ZC3H7A: variants seen among roughly 807,000 people sequenced by gnomAD.
The protein encoded by ZC3H7A is zinc finger CCCH domain-containing protein 7A.
A neutral mutation model predicts 125.5 loss-of-function variants in ZC3H7A; 44 were observed. That is an observed-to-expected ratio of 0.35 (90% CI 0.28 to 0.45). The LOEUF is 0.45. Among genes scored for constraint, ZC3H7A ranks in the 20% least tolerant of loss-of-function variants. ZC3H7A has a pLI of 1.00. For missense variants in ZC3H7A, 977 were observed against 1,170.7 expected, an observed-to-expected ratio of 0.83 and a Z score of 2.41; for synonymous variants, 399 against 391.2, an observed-to-expected ratio of 1.02 and a Z score of -0.23.
chr16:11,785,869 T>C (rs2053249587), intron 1 of ZC3H7A, among the ~76,000 whole-genome samples: 1 of 152,218 alleles, frequency 6.6e-6, no homozygotes, highest in African/African-American at 2.4e-5. Context: ...TCTGCTCACC[T>C]AGGCCTCCCA....
rs1209278261 is a variant in ZC3H7A at position 11,791,782 on chromosome 16, GGAA to G, written c.-35+5339_-35+5341del. On this transcript the variant is annotated intron_variant, in intron 1 of 22. Coordinates refer to ENST00000355758, the MANE Select transcript of ZC3H7A (RefSeq NM_014153.4). ...AGGTGGGAAGTGAATCAATATAGTG[GGAA>G]CTGCCTGGAGACAGCGACGGAAAAA... Among the ~76,000 whole-genome samples the G allele has an allele frequency of 2.0e-5, 3 of 152,186 alleles. No homozygotes were observed. The East Asian group carries it at 5.8e-4, about 29-fold the overall frequency.
chr16:11,788,933 C>T lies in ZC3H7A; in HGVS notation c.-34-6545G>A, dbSNP rs572973920. Among the ~76,000 whole-genome samples the T allele has an allele frequency of 9.2e-5, 14 of 152,138 alleles. No homozygotes were observed. In the South Asian group the frequency reaches 1.7e-3, roughly 18 times the overall value. On this transcript the variant is annotated intron_variant, in intron 1 of 22. Transcript: ENST00000355758. ...GGCCTCACAAAGATATTCTATAGAA[C>T]GATTCTGTATCTTGATTGTGGGAGT...
Position 11,784,643 on chromosome 16 carries a change from T to C in ZC3H7A, c.-34-2255A>G, listed in dbSNP as rs186890509. Reference sequence around the variant, plus strand: ...GCCGAGGCGAGTGGATCACCCAAGGTCAGGAGTTCCAGAGCAGCCTGACCA... The same window carrying C: ...GCCGAGGCGAGTGGATCACCCAAGGCCAGGAGTTCCAGAGCAGCCTGACCA... On this transcript the variant is annotated intron_variant, in intron 1 of 22. Transcript: ENST00000355758. Among the ~76,000 whole-genome samples, 20 of 151,902 alleles carry C rather than the reference T, an allele frequency of 1.3e-4. No homozygotes were observed. The South Asian group carries it at 1.5e-3, about 11-fold the overall frequency.
rs977835496 is a variant in ZC3H7A at position 11,756,971 on chromosome 16, T to C, written c.2429-601A>G. On this transcript the variant is annotated intron_variant, in intron 20 of 22. Coordinates refer to ENST00000355758, the MANE Select transcript of ZC3H7A (RefSeq NM_014153.4). ...GCTTCCTATGGTAAGAACAGGTGTATTCTGCATTATTGCCAAGTGCTAAAG... is the reference window on the plus strand; with the variant it reads ...GCTTCCTATGGTAAGAACAGGTGTACTCTGCATTATTGCCAAGTGCTAAAG... Among the ~76,000 whole-genome samples the C allele has an allele frequency of 3.8e-5, 5 of 133,276 alleles. No homozygotes were observed. The East Asian group carries it at 1.2e-3, about 32-fold the overall frequency. The allele number at this position is 133,276 out of a possible 152,430, so 87.4% of individuals were successfully genotyped here.
intron 22 of ZC3H7A, among the ~76,000 whole-genome samples, chr16:11,751,982 T>C (rs1597525863): frequency 6.8e-6 from 1 of 147,210 alleles, no homozygotes; most frequent in Non-Finnish European, 1.5e-5. Context: ...CTCGGCTCAC[T>C]ACAACCTCCA....
Position 11,765,714 on chromosome 16 carries a change from GA to G in ZC3H7A, c.1523-30del. 1 of 1,596,746 alleles carries G rather than the reference GA, an allele frequency of 6.3e-7. No homozygotes were observed. The highest frequency in any genetic ancestry group is 8.6e-7 in the Non-Finnish European group (1 of 1,169,532). On this transcript the variant is annotated intron_variant, in intron 13 of 22. Coordinates refer to ENST00000355758, the MANE Select transcript of ZC3H7A (RefSeq NM_014153.4). The surrounding 1 kb of genome is among the most constrained non-coding windows in gnomAD (Gnocchi z 4.8). ...GAAAGACAGGGAATGGACAGACATT[GA>G]AAACATGGCAATTGGCCTGTACTCC...
chr16:11,793,568 A>T (rs977760834), intron 1 of ZC3H7A, among the ~76,000 whole-genome samples: 7 of 152,000 alleles, frequency 4.6e-5, no homozygotes, highest in Non-Finnish European at 7.4e-5. Flanking sequence ...AAAATGATAC[A>T]TTCCACTCCA....
Position 11,763,479 on chromosome 16 carries a change from T to C in ZC3H7A, c.2001A>G (p.Thr667=). The C allele has an allele frequency of 3.1e-6, 5 of 1,595,034 alleles. No homozygotes were observed. Among genetic ancestry groups the C allele is most frequent in the Admixed American group, 1.7e-5 (1 of 58,266 alleles). The change falls in exon 16 of 23, where the codon ACA becomes ACG. Residue 667 remains threonine, a splice_region_variant and synonymous_variant. Coordinates refer to ENST00000355758, the MANE Select transcript of ZC3H7A (RefSeq NM_014153.4). ...ELKVWIMQNE[T]GISHDAIAQE... ...CTTCTCAGTCGCACTCAAACCTACC[T>C]GTTTCATTTTGCATTATCCAGACTT...
In ZC3H7A at chr16:11,770,790, G is replaced by C. The variant is rs773740795; in HGVS notation, c.1101C>G (p.Ser367=). The C allele has an allele frequency of 6.2e-7, 1 of 1,611,458 alleles. No homozygotes were observed. The highest frequency in any genetic ancestry group is 8.5e-7 in the Non-Finnish European group (1 of 1,178,494). ...SSLNSFSMSE[S]KRDLSTSTSR... is the part of the protein sequence containing the mutation. ...TTTAGATTTGGTTCTTACCTCGTTTGGATTCACTCATTGAAAATGAATTTA... is the reference window on the plus strand; with the variant it reads ...TTTAGATTTGGTTCTTACCTCGTTTCGATTCACTCATTGAAAATGAATTTA... The change falls in exon 10 of 23, where the codon TCC becomes TCG. Residue 367 remains serine (S), a synonymous_variant. Transcript: ENST00000355758.
At chr16:11,777,229 C>T (rs10492853) in intron 4 of ZC3H7A, among the ~76,000 whole-genome samples, 27,306 of 152,070 alleles carry the variant, frequency 0.18, 3,195 homozygotes, top group East Asian at 0.48. Context: ...CCTATTCGCT[C>T]CTCTGTAGTT....
intron 18 of ZC3H7A, 185 bp from the exon 19 acceptor site, chr16:11,761,696 T>G (rs1228447274): frequency 1.2e-6 from 1 of 840,650 alleles, no homozygotes; most frequent in Non-Finnish European, 1.8e-6. Flanking sequence ...CTACAAACTC[T>G]AAACAAATTG....
chr16:11,750,833 T>G lies in ZC3H7A; in HGVS notation c.*484A>C, dbSNP rs776590631. Reference sequence around the variant, plus strand: ...ACAAATACTAGTGTTAAATGGTTATTTGGCTTAAAATCTGAGTTAAGAAAA... The same window carrying G: ...ACAAATACTAGTGTTAAATGGTTATGTGGCTTAAAATCTGAGTTAAGAAAA... On this transcript the variant is annotated 3_prime_UTR_variant, in exon 23 of 23. Transcript: ENST00000355758. 1 of 152,782 alleles carries G rather than the reference T, an allele frequency of 6.5e-6. No individual in the cohort carries two copies. Among genetic ancestry groups the G allele is most frequent in the African/African-American group, 2.4e-5 (1 of 41,452 alleles). 9.5% of individuals were successfully genotyped at this position (152,782 alleles called of 1,614,324 possible). A position where few individuals can be genotyped will look rare whatever the true frequency, so the allele number is the denominator to read the frequency against.
intron 9 of ZC3H7A, among the ~76,000 whole-genome samples, chr16:11,772,095 T>G (rs1464621976): frequency 1.3e-5 from 2 of 151,096 alleles, no homozygotes; most frequent in Non-Finnish European, 2.9e-5. Flanking sequence ...ACTCGGGAGG[T>G]TGAGGCAGAT....
At chr16:11,789,413 C>A (rs1403883379) in intron 1 of ZC3H7A, among the ~76,000 whole-genome samples, 1 of 152,062 alleles carries the variant, frequency 6.6e-6, no homozygotes, top group Non-Finnish European at 1.5e-5. Flanking sequence ...CGTCACCAGG[C>A]CTGGCTAATT....
intron 1 of ZC3H7A, among the ~76,000 whole-genome samples, chr16:11,787,328 T>C (rs937492405): frequency 1.3e-5 from 2 of 152,130 alleles, no homozygotes; most frequent in Admixed American, 6.6e-5. Flanking sequence ...ATATAGACCA[T>C]TAACTGTCAC....
rs766722942 is a variant in ZC3H7A, at chr16:11,774,892, G to A, written c.619+88C>T. On this transcript the variant is annotated intron_variant, in intron 8 of 22. Transcript: ENST00000355758. ...ATTAATATGAATATAACCACACAGC[G>A]ATATTATTTGACAATACATCACATA... is the stretch of plus-strand genomic sequence containing the variant. 74 of 1,385,408 alleles carry A rather than the reference G, an allele frequency of 5.3e-5. No individual in the cohort carries two copies. In the African/African-American group the frequency reaches 8.2e-4, roughly 15 times the overall value. The allele number at this position is 1,385,408 out of a possible 1,614,324, so 85.8% of individuals were successfully genotyped here.
chr16:11,789,270 TA>T (rs1044285152), intron 1 of ZC3H7A, among the ~76,000 whole-genome samples: 2 of 152,196 alleles, frequency 1.3e-5, no homozygotes, highest in Non-Finnish European at 2.9e-5. Flanking sequence ...TGTTTGTTTT[TA>T]TTTTTTTTTT....
chr16:11,797,020 C>A (rs2053450587), intron 1 of ZC3H7A, 104 bp downstream of exon 1: 1 of 144,016 alleles, frequency 6.9e-6, no homozygotes, highest in South Asian at 1.9e-4. Flanking sequence ...GCCCGCCGTC[C>A]GTTAACGGCC....
chr16:11,785,377 G>A (rs942005263), intron 1 of ZC3H7A, among the ~76,000 whole-genome samples: 13 of 151,474 alleles, frequency 8.6e-5, no homozygotes, highest in Non-Finnish European at 1.5e-4. Context: ...GTGGTGGTGC[G>A]TACCAGTAGT....
Sources: gnomAD v4.1 joint callset for allele counts (sites outside exome capture counted in the v4.1 genomes callset) on GRCh38, gnomAD v4.1.1 for gene constraint, Gnocchi (gnomAD v3.1) non-coding constraint, MANE v1.5 for transcripts, NCBI Gene and HGNC (gene_info 2026-07-23, HGNC 2026-07-21) for gene names.